Variants in PVT1 observed in about 807,000 individuals in gnomAD.
PVT1 encodes the protein CXCR4/PVT1 fusion.
intron 3 of PVT1, among the ~76,000 whole-genome samples, chr8:127,957,013 A>G (rs1816578301): frequency 6.6e-6 from 1 of 152,210 alleles, no homozygotes; most frequent in African/African-American, 2.4e-5. Flanking sequence ...GTGATTAACC[A>G]GTCATCACTG....
At chr8:128,006,117 A>G (rs1817243618) in intron 4 of PVT1, among the ~76,000 whole-genome samples, 1 of 123,256 alleles carries the variant, frequency 8.1e-6, no homozygotes, top group South Asian at 2.8e-4. Context: ...AATAATAATA[A>G]TAATAATAAT....
intron 2 of PVT1, among the ~76,000 whole-genome samples, chr8:127,842,457 G>A (rs923906542): frequency 6.6e-6 from 1 of 151,544 alleles, no homozygotes; most frequent in Non-Finnish European, 1.5e-5. Context: ...GTAGAGATAG[G>A]GTCTCTCTTT....
At chr8:127,904,349 T>C (rs1447504033) in intron 3 of PVT1, among the ~76,000 whole-genome samples, 1 of 18,680 alleles carries the variant, frequency 5.4e-5, no homozygotes, top group Non-Finnish European at 1.0e-4. Flanking sequence ...GTTATCCAGT[T>C]TTGCAGGTTG....
chr8:128,015,192 C>G (rs143562458), intron 4 of PVT1, among the ~76,000 whole-genome samples: 181 of 152,016 alleles, frequency 1.2e-3, no homozygotes, highest in Admixed American at 2.2e-3. Context: ...TGGGTTCAAG[C>G]GATTCTCGTG....
chr8:127,854,898 A>C (rs1194814746), intron 2 of PVT1: 6 of 350,018 alleles, frequency 1.7e-5, no homozygotes, highest in Non-Finnish European at 3.1e-5. Context: ...CTCAGTGTGC[A>C]CTGAGGTTGT....
chr8:127,868,451 G>C (rs1027733755), intron 2 of PVT1, among the ~76,000 whole-genome samples: 6 of 152,058 alleles, frequency 3.9e-5, no homozygotes, highest in Non-Finnish European at 8.8e-5. Context: ...ACAATGGTAT[G>C]AACTTGGCTC....
intron 3 of PVT1, among the ~76,000 whole-genome samples, chr8:127,959,409 A>T (rs1586456049): frequency 6.6e-6 from 1 of 152,210 alleles, no homozygotes; most frequent in African/African-American, 2.4e-5. Context: ...ACATGGTGAA[A>T]ACCCATCTCT....
At chr8:127,834,691 C>T (rs1333064986) in intron 2 of PVT1, among the ~76,000 whole-genome samples, 1 of 152,146 alleles carries the variant, frequency 6.6e-6, no homozygotes, top group African/African-American at 2.4e-5. Context: ...GGCTAATATT[C>T]AGAATCTACA....
chr8:128,077,595 C>A (rs761039748), intron 5 of PVT1, among the ~76,000 whole-genome samples: 2 of 152,146 alleles, frequency 1.3e-5, no homozygotes, highest in African/African-American at 4.8e-5. Context: ...AAAGGCAGTA[C>A]CACGAATAGA....
intron 3 of PVT1, among the ~76,000 whole-genome samples, chr8:127,917,021 G>A (rs1245658860): frequency 6.6e-6 from 1 of 152,046 alleles, no homozygotes; most frequent in Non-Finnish European, 1.5e-5. Flanking sequence ...GAGTGCTAGA[G>A]TTTAAGTTTT....
At chr8:128,084,648 C>T (rs2130157588) in intron 5 of PVT1, among the ~76,000 whole-genome samples, 1 of 152,320 alleles carries the variant, frequency 6.6e-6, no homozygotes, top group South Asian at 2.1e-4. Flanking sequence ...TGTTAAACTA[C>T]AAAGAGCCAT....
At chr8:128,004,085 C>A (rs900859431) in intron 4 of PVT1, among the ~76,000 whole-genome samples, 2 of 152,112 alleles carry the variant, frequency 1.3e-5, no homozygotes, top group African/African-American at 4.8e-5. Context: ...ACCCTTAGGA[C>A]CTCGTTTAAC....
At chr8:128,018,971 G>T (rs920660191) in intron 4 of PVT1, among the ~76,000 whole-genome samples, 1 of 152,232 alleles carries the variant, frequency 6.6e-6, no homozygotes, top group Non-Finnish European at 1.5e-5. Context: ...GCTAAGGAAG[G>T]CTCTTCCCTG....
chr8:127,947,843 C>T (rs761596389), intron 3 of PVT1: 3 of 456,528 alleles, frequency 6.6e-6, no homozygotes, highest in Non-Finnish European at 1.3e-5. Context: ...TTATTAAGCA[C>T]TTACTTTGTG....
intron 4 of PVT1, among the ~76,000 whole-genome samples, chr8:128,002,823 G>A (rs1385416833): frequency 6.6e-6 from 1 of 152,178 alleles, no homozygotes; most frequent in Non-Finnish European, 1.5e-5. Context: ...TGGGGACACA[G>A]TTAAACCCAC....
At chr8:127,902,348 C>T (rs910189495) in intron 3 of PVT1, among the ~76,000 whole-genome samples, 1 of 152,052 alleles carries the variant, frequency 6.6e-6, no homozygotes, top group African/African-American at 2.4e-5. Flanking sequence ...ATACTTGGTT[C>T]CGGCTGTGTG....
intron 2 of PVT1, among the ~76,000 whole-genome samples, chr8:127,865,242 A>G (rs1815274486): frequency 6.6e-6 from 1 of 152,186 alleles, no homozygotes; most frequent in South Asian, 2.1e-4. Context: ...TCAGAAGGAC[A>G]AGGTGGTAGG....
chr8:128,037,049 T>C (rs1279761436), intron 4 of PVT1, among the ~76,000 whole-genome samples: 1 of 152,134 alleles, frequency 6.6e-6, no homozygotes, highest in Non-Finnish European at 1.5e-5. Context: ...GCCCCTCTCC[T>C]CCTGACCAGT....
chr8:127,861,510 C>T (rs759245954), intron 2 of PVT1, among the ~76,000 whole-genome samples: 2 of 152,192 alleles, frequency 1.3e-5, no homozygotes, highest in Admixed American at 1.3e-4. Flanking sequence ...TAGCAATAGT[C>T]ACCCTTAACA....
Sources: allele counts gnomAD v4.1 joint callset (sites outside exome capture counted in the v4.1 genomes callset), GRCh38; gene constraint gnomAD v4.1.1; transcripts MANE v1.5; gene names NCBI Gene and HGNC (gene_info 2026-07-23, HGNC 2026-07-21).